NTSR1: variants seen among roughly 807,000 people sequenced by gnomAD.
NTSR1 encodes neurotensin receptor type 1.
NTSR1 carries 29 observed loss-of-function variants against 31.2 expected under a neutral mutation model. The observed-to-expected ratio is 0.93, with a 90% confidence interval of 0.69 to 1.27. The LOEUF is 1.27. Among genes scored for constraint, NTSR1 ranks in the 50% most tolerant of loss-of-function variants. The pLI, the probability that NTSR1 is intolerant of heterozygous loss-of-function variation, is 0.00. For synonymous variants in NTSR1, 282 were observed against 269.9 expected (o/e 1.04, Z -0.44); for missense variants, 697 against 595.4 (o/e 1.17, Z -1.78).
At chr20:62,740,214 G>A (rs1042378766) in intron 1 of NTSR1, among the ~76,000 whole-genome samples, 2 of 152,202 alleles carry the variant, frequency 1.3e-5, no homozygotes, top group Non-Finnish European at 2.9e-5. Context: ...AGTGCCCTGC[G>A]TTTTAGAAAA....
Position 62,741,305 on chromosome 20 carries a change from G to A in NTSR1, c.715-13380G>A, listed in dbSNP as rs1368271855. On this transcript the variant is annotated intron_variant, in intron 1 of 3. Transcript: ENST00000370501. This position sits in a 1 kb window ranked among gnomAD's most constrained non-coding sequence, Gnocchi z 4.3. The stretch of plus-strand genomic sequence containing the variant: ...TCTGCCAAGTCCCCACTCAGACAAT[G>A]GCCTCTATAGCTCCAGCAATCAGGA... Among the ~76,000 whole-genome samples the A allele has an allele frequency of 7.3e-6, 1 of 136,156 alleles. No homozygotes were observed. Among genetic ancestry groups the A allele is most frequent in the Non-Finnish European group, 1.5e-5 (1 of 67,582 alleles). 89.3% of individuals were successfully genotyped at this position (136,156 alleles called of 152,430 possible). A position where few individuals can be genotyped will look rare whatever the true frequency, so the allele number is the denominator to read the frequency against.
At chr20:62,749,872 T>C (rs927536387) in intron 1 of NTSR1, among the ~76,000 whole-genome samples, 4 of 152,060 alleles carry the variant, frequency 2.6e-5, no homozygotes, top group Admixed American at 2.0e-4. Flanking sequence ...GTACGGCTGT[T>C]ACGGAAAACA....
intron 1 of NTSR1, among the ~76,000 whole-genome samples, chr20:62,746,101 A>C (rs989371650): frequency 6.6e-6 from 1 of 152,168 alleles, no homozygotes; most frequent in Non-Finnish European, 1.5e-5. Flanking sequence ...AGCAGAGGTC[A>C]GAGAAGGGGT....
intron 1 of NTSR1, among the ~76,000 whole-genome samples, chr20:62,746,257 T>C (rs1256438055): frequency 6.6e-6 from 1 of 152,178 alleles, no homozygotes; most frequent in Non-Finnish European, 1.5e-5. Context: ...CCAGGAGAGC[T>C]TAGGGTCCCT....
At chr20:62,713,682 G>A (rs1311555829) in intron 1 of NTSR1, among the ~76,000 whole-genome samples, 2 of 152,240 alleles carry the variant, frequency 1.3e-5, no homozygotes, top group African/African-American at 4.8e-5. Flanking sequence ...CAAGCAGACA[G>A]TGAATCAAGG....
At position 62,747,502 on chromosome 20, in the gene NTSR1, A is replaced by G. The variant is rs1261033773; in HGVS notation, c.715-7183A>G. On this transcript the variant is annotated intron_variant, in intron 1 of 3. Coordinates refer to ENST00000370501, the MANE Select transcript of NTSR1 (RefSeq NM_002531.3). ...GGCCACGTATGACAGTCCCACAGCT[A>G]ACACCACACTCAGTGTAAAGGCCAC... Among the ~76,000 whole-genome samples, 3 of 150,738 alleles carry G rather than the reference A, an allele frequency of 2.0e-5. No individual in the cohort carries two copies. In the East Asian group the frequency reaches 5.8e-4, roughly 29 times the overall value.
In NTSR1 at chr20:62,715,565, G is replaced by T. The variant is rs1346308561; in HGVS notation, c.714+5644G>T. Among the ~76,000 whole-genome samples, 1 of 152,218 alleles carries T rather than the reference G, an allele frequency of 6.6e-6. No individual in the cohort carries two copies. The highest frequency in any genetic ancestry group is 1.5e-5 in the Non-Finnish European group (1 of 68,028). On this transcript the variant is annotated intron_variant, in intron 1 of 3. Transcript: ENST00000370501. The surrounding 1 kb of genome is among the most constrained non-coding windows in gnomAD (Gnocchi z 4.7). ...GGCTCTGACTGGGCTTGGAGTCCTCGAGAGTGACTTGGCCCAGAGTGGTTC... is the reference window on the plus strand; with the variant it reads ...GGCTCTGACTGGGCTTGGAGTCCTCTAGAGTGACTTGGCCCAGAGTGGTTC...
chr20:62,747,435 G>A (rs375385872), intron 1 of NTSR1, among the ~76,000 whole-genome samples: 8 of 128,930 alleles, frequency 6.2e-5, no homozygotes, highest in South Asian at 2.7e-4. Flanking sequence ...TAAAGGCCAC[G>A]TATGATGACA....
At chr20:62,713,671 G>A (rs560895819) in intron 1 of NTSR1, among the ~76,000 whole-genome samples, 2 of 152,336 alleles carry the variant, frequency 1.3e-5, no homozygotes, top group Admixed American at 6.5e-5. Context: ...TGGAAGGAGA[G>A]CAAGCAGACA....
intron 1 of NTSR1, among the ~76,000 whole-genome samples, chr20:62,717,732 C>T (rs114348278): frequency 0.011 from 1,682 of 152,300 alleles, 30 homozygotes; most frequent in African/African-American, 0.038. Context: ...AACATCTTTC[C>T]TTCCTTCCTT....
At chr20:62,754,965 C>A in intron 2 of NTSR1, 79 bp downstream of exon 2, 2 of 1,372,186 alleles carry the variant, frequency 1.5e-6, no homozygotes, top group Non-Finnish European at 9.8e-7. Flanking sequence ...CCACCCCAAG[C>A]CTGGGCAAGG....
At chr20:62,750,867 C>T (rs1021267574) in intron 1 of NTSR1, among the ~76,000 whole-genome samples, 1 of 152,026 alleles carries the variant, frequency 6.6e-6, no homozygotes, top group Non-Finnish European at 1.5e-5. Flanking sequence ...TCACATTGTA[C>T]ACAGTCAATA....
At chr20:62,710,088 G>A (rs1457885365) in intron 1 of NTSR1, among the ~76,000 whole-genome samples, 167 bp downstream of exon 1, 2 of 152,216 alleles carry the variant, frequency 1.3e-5, no homozygotes, top group Non-Finnish European at 1.5e-5. Flanking sequence ...AGAGTTGCCA[G>A]GCTCAGCCCC....
chr20:62,723,260 G>A (rs1988852287), intron 1 of NTSR1, among the ~76,000 whole-genome samples: 2 of 152,118 alleles, frequency 1.3e-5, no homozygotes, highest in African/African-American at 4.8e-5. Flanking sequence ...TTCCTGCTTG[G>A]GCATCACTCA....
chr20:62,759,641 G>A (rs1392905493), intron 3 of NTSR1, among the ~76,000 whole-genome samples: 1 of 152,112 alleles, frequency 6.6e-6, no homozygotes, highest in East Asian at 1.9e-4. Context: ...GGGCGTGGTG[G>A]GGGGGTCCCT....
At chr20:62,748,893 C>T (rs1989346337) in intron 1 of NTSR1, among the ~76,000 whole-genome samples, 1 of 152,134 alleles carries the variant, frequency 6.6e-6, no homozygotes, top group South Asian at 2.1e-4. Context: ...GCACGCGATG[C>T]CCCATGCCAC....
rs1989032426 is a variant in NTSR1 at position 62,733,308 on chromosome 20, A to C, written c.715-21377A>C. The C allele has an allele frequency of 1.3e-5, 2 of 152,180 alleles. No homozygotes were observed. Among genetic ancestry groups the C allele is most frequent in the South Asian group, 4.1e-4 (2 of 4,830 alleles). 9.4% of individuals were successfully genotyped at this position (152,180 alleles called of 1,614,324 possible). A position where few individuals can be genotyped will look rare whatever the true frequency, so the allele number is the denominator to read the frequency against. On this transcript the variant is annotated intron_variant, in intron 1 of 3. Coordinates refer to ENST00000370501, the MANE Select transcript of NTSR1 (RefSeq NM_002531.3). The surrounding 1 kb of genome is among the most constrained non-coding windows in gnomAD (Gnocchi z 5.2). Reference sequence around the variant, plus strand: ...AGCTCTGGGAAGGCTGAAAATTAGCACCAATTAGGGAAGAATGAAGCTCTT... The same window carrying C: ...AGCTCTGGGAAGGCTGAAAATTAGCCCCAATTAGGGAAGAATGAAGCTCTT...
At chr20:62,737,996 G>A (rs1190893640) in intron 1 of NTSR1, among the ~76,000 whole-genome samples, 2 of 69,756 alleles carry the variant, frequency 2.9e-5, no homozygotes, top group African/African-American at 2.2e-4. Flanking sequence ...CCCAGACCAC[G>A]CTGCATGCCC....
chr20:62,749,309 C>T (rs532763315), intron 1 of NTSR1, among the ~76,000 whole-genome samples: 4 of 152,060 alleles, frequency 2.6e-5, no homozygotes, highest in African/African-American at 7.2e-5. Context: ...GGTGTGGTGG[C>T]GGGCGCCTGT....
Sources: gnomAD v4.1 joint callset for allele counts (sites outside exome capture counted in the v4.1 genomes callset) on GRCh38, gnomAD v4.1.1 for gene constraint, Gnocchi (gnomAD v3.1) non-coding constraint, MANE v1.5 for transcripts, NCBI Gene and HGNC (gene_info 2026-07-23, HGNC 2026-07-21) for gene names.